The following IL1RAPL2 variants were observed in gnomAD, a reference collection of about 807,000 sequenced individuals.
IL1RAPL2 encodes the protein X-linked interleukin-1 receptor accessory protein-like 2.
IL1RAPL2 carries 3 observed loss-of-function variants against 44.1 expected under a neutral mutation model. The ratio of observed to expected loss-of-function variants is 0.07; its 90% CI spans 0.03 to 0.18. The LOEUF (loss-of-function observed/expected upper bound fraction) is 0.18, where lower values mean the gene tolerates loss of function less well. Ranked by LOEUF, IL1RAPL2 falls within the 10% of genes least tolerant of loss-of-function variation. The probability of loss-of-function intolerance (pLI) is 1.00; values close to 1 mark genes in which losing one functional copy is unlikely to be tolerated. For synonymous variants in IL1RAPL2, 181 were observed against 178.8 expected (o/e 1.01, Z -0.10); for missense variants, 391 against 496.4 (o/e 0.79, Z 2.02).
chrX:104,903,744 A>AT (rs1262593417), intron 2 of IL1RAPL2, among the ~76,000 whole-genome samples: 1 of 109,256 alleles, frequency 9.2e-6, no homozygotes, highest in Non-Finnish European at 1.9e-5. Flanking sequence ...TGCCTGGCTA[A>AT]TTTTTTGTAT....
intron 3 of IL1RAPL2, among the ~76,000 whole-genome samples, chrX:105,222,399 C>A (rs1439389948): frequency 8.9e-6 from 1 of 112,160 alleles, no homozygotes; most frequent in East Asian, 2.8e-4. Context: ...ACCCCAGAGG[C>A]ATAAAGTCCC....
At chrX:105,406,617 C>T (rs1024916995) in intron 5 of IL1RAPL2, 53 of 1,161,111 alleles carry the variant, frequency 4.6e-5, no homozygotes, top group South Asian at 3.1e-4. Context: ...CAATTTAAGC[C>T]GCTGTAATCT....
At chrX:104,820,993 C>T (rs1490738072) in intron 2 of IL1RAPL2, among the ~76,000 whole-genome samples, 2 of 111,452 alleles carry the variant, frequency 1.8e-5, no homozygotes, top group Admixed American at 9.5e-5. Context: ...TGTATCAGTC[C>T]AAAAGTTTTC....
intron 1 of IL1RAPL2, among the ~76,000 whole-genome samples, chrX:104,594,640 A>G (rs1439754557): frequency 8.9e-6 from 1 of 112,392 alleles, no homozygotes; most frequent in Non-Finnish European, 1.9e-5. Context: ...AAATAAATAA[A>G]TATGTTATTA....
At chrX:104,924,041 T>C (rs1400432784) in intron 2 of IL1RAPL2, among the ~76,000 whole-genome samples, 1 of 14,173 alleles carries the variant, frequency 7.1e-5, no homozygotes, top group African/African-American at 9.8e-5. Context: ...ACTATAACAA[T>C]AGTAAAAAAA....
At chrX:105,404,349 G>C (rs749246065) in intron 5 of IL1RAPL2, among the ~76,000 whole-genome samples, 1 of 112,089 alleles carries the variant, frequency 8.9e-6, no homozygotes, top group East Asian at 2.8e-4. Flanking sequence ...AACTAGACTA[G>C]AGTAGTGCTG....
At chrX:104,658,601 A>G (rs1271310155) in intron 1 of IL1RAPL2, among the ~76,000 whole-genome samples, 2 of 112,698 alleles carry the variant, frequency 1.8e-5, no homozygotes, top group Admixed American at 1.9e-4. Flanking sequence ...GTACACTAGA[A>G]CTTAAAGTAT....
chrX:105,264,791 T>C (rs1351078208), intron 4 of IL1RAPL2, among the ~76,000 whole-genome samples: 2 of 111,911 alleles, frequency 1.8e-5, no homozygotes, highest in Admixed American at 1.9e-4. Flanking sequence ...CATTTTAACC[T>C]AGAGATGTCT....
At chrX:104,733,093 C>G (rs780879903) in intron 2 of IL1RAPL2, among the ~76,000 whole-genome samples, 2 of 111,450 alleles carry the variant, frequency 1.8e-5, no homozygotes, top group African/African-American at 3.3e-5. Flanking sequence ...AAACTCCTAG[C>G]AAACTCCTAG....
At chrX:104,911,973 A>T (rs1425502139) in intron 2 of IL1RAPL2, among the ~76,000 whole-genome samples, 7 of 111,215 alleles carry the variant, frequency 6.3e-5, no homozygotes. Context: ...TCCCTAGTAC[A>T]TCTCCCTGTT....
chrX:105,509,833 A>C (rs1397665825), intron 6 of IL1RAPL2, among the ~76,000 whole-genome samples: 1 of 111,252 alleles, frequency 9.0e-6, no homozygotes, highest in Non-Finnish European at 1.9e-5. Flanking sequence ...GAAAGGGCTT[A>C]CACCCTCTCT....
intron 2 of IL1RAPL2, among the ~76,000 whole-genome samples, chrX:105,039,332 G>A (rs889891312): frequency 1.8e-5 from 2 of 111,878 alleles, no homozygotes; most frequent in Non-Finnish European, 3.8e-5. Context: ...TTCTAATAAA[G>A]GGAAAACAGC....
At chrX:104,804,238 C>G (rs903354681) in intron 2 of IL1RAPL2, 3 of 111,665 alleles carry the variant, frequency 2.7e-5, no homozygotes, top group Non-Finnish European at 5.6e-5. Flanking sequence ...TCACCCAGTA[C>G]TACAGAGAAA....
intron 2 of IL1RAPL2, among the ~76,000 whole-genome samples, chrX:104,947,859 C>T (rs752101608): frequency 1.9e-4 from 21 of 111,901 alleles, no homozygotes; most frequent in South Asian, 7.5e-4. Flanking sequence ...GTGATGCCTC[C>T]GGCTTTCTTC....
intron 2 of IL1RAPL2, among the ~76,000 whole-genome samples, chrX:104,964,790 TAA>T (rs1385856372): frequency 9.0e-6 from 1 of 110,717 alleles, no homozygotes; most frequent in Non-Finnish European, 1.9e-5. Context: ...GGGAAACATA[TAA>T]AAAAGTTTTT....
At chrX:104,653,730 C>G (rs1930196501) in intron 1 of IL1RAPL2, among the ~76,000 whole-genome samples, 1 of 111,198 alleles carries the variant, frequency 9.0e-6, no homozygotes, top group Non-Finnish European at 1.9e-5. Context: ...CCCTGTTACT[C>G]TTATATTCTG....
At chrX:105,460,922 T>C (rs182188469) in intron 5 of IL1RAPL2, among the ~76,000 whole-genome samples, 1 of 111,453 alleles carries the variant, frequency 9.0e-6, no homozygotes, top group East Asian at 2.8e-4. Flanking sequence ...ACAAGGACAA[T>C]GTAGTTAAAA....
rs1556002120 is a variant in IL1RAPL2, at chrX:104,855,681, G to GTTTTTTTTTTTTTTTTTTTTT, written c.82+196703_82+196704insTTTTTTTTTTTTTTTTTTTTT. On this transcript the variant is annotated intron_variant, in intron 2 of 10. Coordinates refer to ENST00000372582, the MANE Select transcript of IL1RAPL2 (RefSeq NM_017416.2). ...TTAACTGTGCTAAGGATCTGGATCC[G>GTTTTTTTTTTTTTTTTTTTTT]TTTTTTTTTTTTTTTTTACTGTATC... Among the ~76,000 whole-genome samples the GTTTTTTTTTTTTTTTTTTTTT allele has an allele frequency of 2.4e-3, 128 of 53,837 alleles. 15 individuals carry two copies. The highest frequency in any genetic ancestry group is 7.2e-3 in the African/African-American group (118 of 16,503). 46.8% of individuals were successfully genotyped at this position (53,837 alleles called of 115,157 possible).
intron 5 of IL1RAPL2, among the ~76,000 whole-genome samples, chrX:105,432,050 C>T (rs1382153870): frequency 1.8e-5 from 2 of 108,742 alleles, no homozygotes; most frequent in East Asian, 2.9e-4. Flanking sequence ...AAACCAAGAA[C>T]CTTCTTGTTC....
Sources: allele counts gnomAD v4.1 joint callset (sites outside exome capture counted in the v4.1 genomes callset), GRCh38; gene constraint gnomAD v4.1.1; transcripts MANE v1.5; gene names NCBI Gene and HGNC (gene_info 2026-07-23, HGNC 2026-07-21).